The following DIMT1 variants were observed in gnomAD, a reference collection of about 807,000 sequenced individuals.
The protein encoded by DIMT1 is dimethyladenosine transferase.
Under a neutral mutation model 43.2 loss-of-function variants are expected in DIMT1, and 36 were observed. The ratio of observed to expected loss-of-function variants is 0.83; its 90% CI spans 0.64 to 1.10. The LOEUF (loss-of-function observed/expected upper bound fraction) is 1.10, where lower values mean the gene tolerates loss of function less well. Ranked by LOEUF, DIMT1 falls within the 50% of genes least tolerant of loss-of-function variation. DIMT1 has a pLI of 0.00. For synonymous variants in DIMT1, 126 were observed against 130.3 expected, an observed-to-expected ratio of 0.97 and a Z score of 0.22; for missense variants, 341 against 385.3, an observed-to-expected ratio of 0.88 and a Z score of 0.96.
rs758847833 is a variant in DIMT1, at chr5:62,396,139, G to GTTTTTTTTTTTTT, written c.447-1533_447-1532insAAAAAAAAAAAAA. On this transcript the variant is annotated intron_variant, in intron 6 of 11. Transcript: ENST00000199320. ...GGGGAATTTAGCCATGTCACTGCAG[G>GTTTTTTTTTTTTT]TTTTTTTTTTTTACATTATTAACTG... 1.2e-3 allele frequency among the ~76,000 whole-genome samples: 143 copies of GTTTTTTTTTTTTT among 116,712 alleles called. 7 individuals are homozygous for GTTTTTTTTTTTTT. Among genetic ancestry groups the GTTTTTTTTTTTTT allele is most frequent in the African/African-American group, 2.8e-3 (78 of 27,734 alleles). The allele number at this position is 116,712 out of a possible 152,430, so 76.6% of individuals were successfully genotyped here. A position where few individuals can be genotyped will look rare whatever the true frequency, so the allele number is the denominator to read the frequency against.
At chr5:62,391,670 G>T in intron 10 of DIMT1, 1 of 1,163,042 alleles carries the variant, frequency 8.6e-7, no homozygotes, top group Non-Finnish European at 1.1e-6. Context: ...ACATCACATC[G>T]CACACACTGT....
chr5:62,401,006 C>T (rs966471714), intron 3 of DIMT1, among the ~76,000 whole-genome samples: 1 of 152,142 alleles, frequency 6.6e-6, no homozygotes, highest in African/African-American at 2.4e-5. Flanking sequence ...CCGCCTTAGC[C>T]TCCCAAAGTG....
chr5:62,397,837 G>A (rs1438398950), intron 6 of DIMT1, among the ~76,000 whole-genome samples: 3 of 152,024 alleles, frequency 2.0e-5, no homozygotes, highest in African/African-American at 7.2e-5. Flanking sequence ...TTTAGTAGAT[G>A]TGGGGTTTCA....
At chr5:62,392,097 G>T in intron 10 of DIMT1, 74 bp downstream of exon 10, 1 of 1,603,792 alleles carries the variant, frequency 6.2e-7, no homozygotes, top group Non-Finnish European at 8.5e-7. Context: ...TCTCATGCTA[G>T]ATCAACAAGA....
At chr5:62,391,576 A>G in intron 10 of DIMT1, 1 of 420,732 alleles carries the variant, frequency 2.4e-6, no homozygotes, top group Non-Finnish European at 3.3e-6. Context: ...ATTAAACCAT[A>G]TAGGTTCTGA....
At chr5:62,392,265 T>C (rs776468160) in intron 9 of DIMT1, 31 bp from the exon 10 acceptor site, 93 of 1,590,718 alleles carry the variant, frequency 5.8e-5, no homozygotes, top group South Asian at 1.7e-4. Context: ...GCCACTGTTA[T>C]TATTCCAAAG....
At chr5:62,396,769 CA>C (rs948524078) in intron 6 of DIMT1, among the ~76,000 whole-genome samples, 2 of 151,126 alleles carry the variant, frequency 1.3e-5, no homozygotes, top group African/African-American at 4.9e-5. Context: ...CCTGAGCATT[CA>C]AAAAAAAACT....
chr5:62,403,611 T>G, intron 1 of DIMT1, 83 bp downstream of exon 1: 1 of 1,478,204 alleles, frequency 6.8e-7, no homozygotes, highest in Non-Finnish European at 9.2e-7. Context: ...CCTCTGCCGA[T>G]CAGGTCTTGG....
intron 2 of DIMT1, 51 bp downstream of exon 2, chr5:62,403,222 G>A (rs1327685124): frequency 1.3e-6 from 2 of 1,521,724 alleles, no homozygotes; most frequent in East Asian, 4.5e-5. Flanking sequence ...GTATTCATAG[G>A]AATAAAATTA....
rs765916765 is a variant in DIMT1 at position 62,403,711 on chromosome 5, T to G, written c.62A>C (p.Glu21Ala). Residue 21 changes from glutamate to alanine, a missense_variant, in exon 1 of 12, where the codon GAG becomes GCG. Coordinates refer to ENST00000199320, the MANE Select transcript of DIMT1 (RefSeq NM_014473.4). Reference sequence around the variant, plus strand: ...ATCCGCACCTCCAGCGCTCTTCAGCTCCCGGCGCTGCTCCTGCCGCCCGCG... The same window carrying G: ...ATCCGCACCTCCAGCGCTCTTCAGCGCCCGGCGCTGCTCCTGCCGCCCGCG... ...RRRGRQEQRR[E>A]LKSAGGLMFN... The G allele has an allele frequency of 9.3e-6, 15 of 1,609,470 alleles. No individual in the cohort carries two copies. Among genetic ancestry groups the G allele is most frequent in the Middle Eastern group, 1.7e-4 (1 of 6,052 alleles).
chr5:62,391,603 A>C, intron 10 of DIMT1: 1 of 721,184 alleles, frequency 1.4e-6, no homozygotes, highest in Non-Finnish European at 1.7e-6. Context: ...AAAAATAAAA[A>C]GAAAATTGGC....
Position 62,403,735 on chromosome 5 carries a change from C to G in DIMT1, c.38G>C (p.Arg13Pro), listed in dbSNP as rs768150911. Reference protein sequence around the residue: ...KVKSGAIGRRRGRQEQRRELK... With the variant: ...KVKSGAIGRRPGRQEQRRELK... ...CTCCCGGCGCTGCTCCTGCCGCCCG[C>G]GGCGGCGGCCGATGGCCCCCGACTT... Residue 13 changes from arginine to proline, a missense_variant, in exon 1 of 12, where the codon CGC becomes CCC. By Grantham distance (103) the Arg-to-Pro change is moderately radical. Coordinates refer to ENST00000199320, the MANE Select transcript of DIMT1 (RefSeq NM_014473.4). 3.3e-5 allele frequency: 53 copies of G among 1,609,320 alleles called. No individual in the cohort carries two copies. In the Admixed American group the frequency reaches 7.2e-4, roughly 22 times the overall value.
chr5:62,403,471 C>A, intron 1 of DIMT1, 125 bp from the exon 2 acceptor site: 2 of 1,021,974 alleles, frequency 2.0e-6, no homozygotes, highest in Admixed American at 2.0e-5. Flanking sequence ...AAACGTCACG[C>A]CAGGACTGAC....
rs778039414 is a variant in DIMT1 at position 62,398,888 on chromosome 5, T to A, written c.241-7A>T. The A allele has an allele frequency of 3.8e-6, 6 of 1,587,094 alleles. No individual in the cohort carries two copies. Among genetic ancestry groups the A allele is most frequent in the Middle Eastern group, 3.7e-4 (2 of 5,352 alleles). ...CAAGTTCACAAGCAACAACCTAATTTAAAAAAAATAAAAATTATTTAGGTT... is the reference window on the plus strand; with the variant it reads ...CAAGTTCACAAGCAACAACCTAATTAAAAAAAAATAAAAATTATTTAGGTT... On this transcript the variant is annotated splice_polypyrimidine_tract_variant and splice_region_variant and intron_variant, in intron 3 of 11. Transcript: ENST00000199320.
At position 62,403,327 on chromosome 5, in the gene DIMT1, C is replaced by A. The variant is rs751850541; in HGVS notation, c.99G>T (p.Gly33=). 6.2e-7 allele frequency: 1 copy of A among 1,613,882 alleles called. No individual in the cohort carries two copies. Among genetic ancestry groups the A allele is most frequent in the Non-Finnish European group, 8.5e-7 (1 of 1,179,914 alleles). The change falls in exon 2 of 12, where the codon GGG becomes GGT. Residue 33 remains glycine (G), a synonymous_variant. Coordinates refer to ENST00000199320, the MANE Select transcript of DIMT1 (RefSeq NM_014473.4). ...KSAGGLMFNT[G]IGQHILKNPL... Reference sequence around the variant, plus strand: ...GATTTTTCAAAATGTGCTGCCCAATCCCCGTGTTGAACATGAGTCCTGTAA... The same window carrying A: ...GATTTTTCAAAATGTGCTGCCCAATACCCGTGTTGAACATGAGTCCTGTAA...
chr5:62,401,432 T>G, intron 3 of DIMT1, among the ~76,000 whole-genome samples: 1 of 141,316 alleles, frequency 7.1e-6, no homozygotes. Context: ...GAGGCAGAGG[T>G]TGCTGTGAGC....
chr5:62,398,912 T>A (rs1742600180), intron 3 of DIMT1, 31 bp from the exon 4 acceptor site: 1 of 1,503,364 alleles, frequency 6.7e-7, no homozygotes, highest in Non-Finnish European at 9.1e-7. Context: ...ATTATTTAGG[T>A]TAATTATGGA....
At chr5:62,396,953 G>T (rs1244497682) in intron 6 of DIMT1, among the ~76,000 whole-genome samples, 3 of 152,044 alleles carry the variant, frequency 2.0e-5, no homozygotes, top group Non-Finnish European at 4.4e-5. Context: ...TCAGGATCTT[G>T]TTTTCTTTTT....
At position 62,402,137 on chromosome 5, in the gene DIMT1, A is replaced by C. The variant is rs1411200515; in HGVS notation, c.154-15T>G. ...CTTAAGGCAGCCTAAAAGCAAGCAC[A>C]AACACTTTAGCTCTTCTGGCAACAT... On this transcript the variant is annotated splice_polypyrimidine_tract_variant and intron_variant, in intron 2 of 11. Transcript: ENST00000199320. 2 of 1,613,500 alleles carry C rather than the reference A, an allele frequency of 1.2e-6. No individual in the cohort carries two copies. Among genetic ancestry groups the C allele is most frequent in the East Asian group, 2.2e-5 (1 of 44,860 alleles).
Sources: gnomAD v4.1 joint callset for allele counts (sites outside exome capture counted in the v4.1 genomes callset) on GRCh38, gnomAD v4.1.1 for gene constraint, MANE v1.5 for transcripts, NCBI Gene and HGNC (gene_info 2026-07-23, HGNC 2026-07-21) for gene names.